Variants in SHROOM3 observed in about 807,000 individuals in gnomAD.
SHROOM3 encodes protein Shroom3.
SHROOM3 carries 47 observed loss-of-function variants against 138.6 expected under a neutral mutation model. The observed-to-expected ratio is 0.34, with a 90% CI of 0.27 to 0.43. The LOEUF (loss-of-function observed/expected upper bound fraction) is 0.43, where lower values mean the gene tolerates loss of function less well. SHROOM3 is among the 20% of genes least tolerant of loss of function. SHROOM3 has a pLI of 1.00. For synonymous variants in SHROOM3, 1,062 were observed against 1,063.3 expected, an observed-to-expected ratio of 1.00 and a Z score of 0.02; for missense variants, 2,491 against 2,596.5, an observed-to-expected ratio of 0.96 and a Z score of 0.88.
intron 1 of SHROOM3, among the ~76,000 whole-genome samples, chr4:76,453,585 G>A (rs1462810055): frequency 6.6e-6 from 1 of 152,086 alleles, no homozygotes; most frequent in Non-Finnish European, 1.5e-5. Context: ...TAGGTATGAT[G>A]TGGTATCTCA....
At chr4:76,477,215 C>A (rs57661457) in intron 1 of SHROOM3, among the ~76,000 whole-genome samples, 1 of 152,052 alleles carries the variant, frequency 6.6e-6, no homozygotes, top group Non-Finnish European at 1.5e-5. Context: ...GATCCACCCC[C>A]CACTCGGCCT....
intron 1 of SHROOM3, among the ~76,000 whole-genome samples, chr4:76,507,516 C>A (rs955618209): frequency 2.7e-5 from 4 of 149,434 alleles, no homozygotes; most frequent in South Asian, 2.1e-4. Flanking sequence ...TCTTTTCATG[C>A]ACTTTTGGTC....
rs1047379455 is a variant in SHROOM3, at chr4:76,552,096, T to C, written c.169-3513T>C. Among the ~76,000 whole-genome samples, 446 of 150,090 alleles carry C rather than the reference T, an allele frequency of 3.0e-3. 4 individuals are homozygous for C. Among genetic ancestry groups the C allele is most frequent in the South Asian group, 6.7e-3 (32 of 4,748 alleles). Reference sequence around the variant, plus strand: ...CAGGATGGACTCGATCTCCTGACCTTGTGATCCGCCCGCCTCGGCCCCCCT... The same window carrying C: ...CAGGATGGACTCGATCTCCTGACCTCGTGATCCGCCCGCCTCGGCCCCCCT... On this transcript the variant is annotated intron_variant, in intron 1 of 10. Coordinates refer to ENST00000296043, the MANE Select transcript of SHROOM3 (RefSeq NM_020859.4).
chr4:76,654,397 T>G (rs1268530538), intron 2 of SHROOM3, among the ~76,000 whole-genome samples: 1 of 152,064 alleles, frequency 6.6e-6, no homozygotes, highest in Non-Finnish European at 1.5e-5. Context: ...TTAAACCAGT[T>G]GTTTTGGCAA....
At position 76,735,313 on chromosome 4, in the gene SHROOM3, A is replaced by C. The variant is rs1455191796; in HGVS notation, c.588-3448A>C. Among the ~76,000 whole-genome samples, 6 of 152,258 alleles carry C rather than the reference A, an allele frequency of 3.9e-5. No homozygotes were observed. In the East Asian group the frequency reaches 9.7e-4, roughly 24 times the overall value. ...AATGAGTATTTCCAGACAGCAGTGG[A>C]AGAACTTGTCCTAGTGAGTGATATC... On this transcript the variant is annotated intron_variant, in intron 4 of 10. Transcript: ENST00000296043.
chr4:76,750,058 A>G (rs1309818832), intron 6 of SHROOM3, among the ~76,000 whole-genome samples: 2 of 152,222 alleles, frequency 1.3e-5, no homozygotes, highest in Non-Finnish European at 2.9e-5. Flanking sequence ...AGAAGCAGCC[A>G]ACATGGTCAG....
At chr4:76,564,958 G>A (rs950543024) in intron 2 of SHROOM3, among the ~76,000 whole-genome samples, 2 of 151,824 alleles carry the variant, frequency 1.3e-5, no homozygotes, top group African/African-American at 4.8e-5. Context: ...TCAGGAGTTC[G>A]AGACCAGCCT....
intron 1 of SHROOM3, among the ~76,000 whole-genome samples, chr4:76,502,841 G>GT (rs1050118128): frequency 2.0e-5 from 3 of 152,098 alleles, no homozygotes; most frequent in African/African-American, 4.8e-5. Context: ...GTCCTGATAC[G>GT]TTTTTTCTCT....
At chr4:76,742,215 T>A in intron 5 of SHROOM3, 1 of 470,352 alleles carries the variant, frequency 2.1e-6, no homozygotes, top group Non-Finnish European at 3.8e-6. Flanking sequence ...AATGCAAGGT[T>A]AAGAAAAATT....
chr4:76,514,819 C>G (rs927936954), intron 1 of SHROOM3, among the ~76,000 whole-genome samples: 3 of 151,988 alleles, frequency 2.0e-5, no homozygotes, highest in African/African-American at 7.2e-5. Context: ...ATACTTGGCT[C>G]AAGAAAGAAA....
At chr4:76,534,490 T>C (rs537925123) in intron 1 of SHROOM3, among the ~76,000 whole-genome samples, 120 of 151,460 alleles carry the variant, frequency 7.9e-4, no homozygotes, top group African/African-American at 2.8e-3. Flanking sequence ...TGCAAAGCAG[T>C]TGCTCGATAT....
chr4:76,472,991 C>A (rs527774537), intron 1 of SHROOM3, among the ~76,000 whole-genome samples: 1 of 152,282 alleles, frequency 6.6e-6, no homozygotes, highest in African/African-American at 2.4e-5. Flanking sequence ...CCACGGCCGG[C>A]CAGGAATGTT....
rs751268892 is a variant in SHROOM3 at position 76,462,785 on chromosome 4, A to G, written c.168+26565A>G. On this transcript the variant is annotated intron_variant, in intron 1 of 10. Coordinates refer to ENST00000296043, the MANE Select transcript of SHROOM3 (RefSeq NM_020859.4). ...CCCTCTCTCCCTCTCCTGCTCTGCCATGGTAAGACATGCTTGCTTCCCTTT... is the reference window on the plus strand; with the variant it reads ...CCCTCTCTCCCTCTCCTGCTCTGCCGTGGTAAGACATGCTTGCTTCCCTTT... Among the ~76,000 whole-genome samples the G allele has an allele frequency of 6.9e-5, 10 of 144,246 alleles. No individual in the cohort carries two copies. In the East Asian group the frequency reaches 8.1e-4, roughly 12 times the overall value. The allele number at this position is 144,246 out of a possible 152,430, so 94.6% of individuals were successfully genotyped here.
At chr4:76,671,793 C>T (rs115982334) in intron 2 of SHROOM3, among the ~76,000 whole-genome samples, 318 of 152,232 alleles carry the variant, frequency 2.1e-3, no homozygotes, top group African/African-American at 7.2e-3. Context: ...ATCTCTTATC[C>T]TACATGCTTG....
Position 76,778,707 on chromosome 4 carries a change from G to C in SHROOM3, c.5623-102G>C, listed in dbSNP as rs1338432369. On this transcript the variant is annotated intron_variant, in intron 10 of 10. Transcript: ENST00000296043. The stretch of plus-strand genomic sequence containing the variant: ...ACTTAGGAGTGACAATAGGAATAGA[G>C]CTTAGATATTTCCCAGTCCTGTCAG... The C allele has an allele frequency of 2.0e-6, 3 of 1,510,396 alleles. No individual in the cohort carries two copies. The Admixed American group carries it at 5.2e-5, about 26-fold the overall frequency. The allele number at this position is 1,510,396 out of a possible 1,614,324, so 93.6% of individuals were successfully genotyped here.
chr4:76,540,572 C>T (rs773213283), intron 1 of SHROOM3, among the ~76,000 whole-genome samples: 8 of 152,056 alleles, frequency 5.3e-5, no homozygotes, highest in Non-Finnish European at 8.8e-5. Flanking sequence ...GGCCTAAGAT[C>T]GAACCATTGG....
chr4:76,548,149 C>T (rs1429671417), intron 1 of SHROOM3, among the ~76,000 whole-genome samples: 3 of 152,268 alleles, frequency 2.0e-5, no homozygotes, highest in African/African-American at 7.2e-5. Context: ...GCTGAGGGAA[C>T]AGCAAGTCTA....
chr4:76,466,003 A>T (rs1470434389), intron 1 of SHROOM3, among the ~76,000 whole-genome samples: 4 of 152,234 alleles, frequency 2.6e-5, no homozygotes, highest in African/African-American at 9.6e-5. Flanking sequence ...AGGATTGAGG[A>T]CAATAACCAA....
chr4:76,768,630 C>G (rs1160153028), intron 9 of SHROOM3, among the ~76,000 whole-genome samples: 1 of 151,502 alleles, frequency 6.6e-6, no homozygotes, highest in African/African-American at 2.5e-5. Context: ...CCTGCCTCAG[C>G]CTCCTAGTAG....
Sources: allele counts gnomAD v4.1 joint callset (sites outside exome capture counted in the v4.1 genomes callset), GRCh38; gene constraint gnomAD v4.1.1; transcripts MANE v1.5; gene names NCBI Gene and HGNC (gene_info 2026-07-23, HGNC 2026-07-21).